Variants in SLC10A7 observed in about 807,000 individuals in gnomAD.
SLC10A7 encodes the protein solute carrier family 10 member 7, also known as sodium/bile acid cotransporter 7.
SLC10A7 carries 29 observed loss-of-function variants against 43.2 expected under a neutral mutation model. The ratio of observed to expected loss-of-function variants is 0.67; its 90% CI spans 0.50 to 0.92. The LOEUF (loss-of-function observed/expected upper bound fraction) is 0.92. SLC10A7 is among the 40% of genes least tolerant of loss of function. The pLI is 0.00. For synonymous variants in SLC10A7, 152 were observed against 144.8 expected, an observed-to-expected ratio of 1.05 and a Z score of -0.35; for missense variants, 295 against 403.2, an observed-to-expected ratio of 0.73 and a Z score of 2.30.
At chr4:146,318,617 G>A (rs540018931) in intron 6 of SLC10A7, among the ~76,000 whole-genome samples, 15 of 152,000 alleles carry the variant, frequency 9.9e-5, no homozygotes, top group African/African-American at 2.7e-4. Context: ...AGATGCTGAC[G>A]TCTCCCAAAT....
chr4:146,356,057 T>A lies in SLC10A7; in HGVS notation c.436-30061A>T, dbSNP rs991758265. Among the ~76,000 whole-genome samples, 79 of 146,384 alleles carry A rather than the reference T, an allele frequency of 5.4e-4. 1 individual carries two copies. The highest frequency in any genetic ancestry group is 4.0e-3 in the South Asian group (19 of 4,708). On this transcript the variant is annotated intron_variant, in intron 5 of 11. Transcript: ENST00000335472. ...AGTATAATAAAAAAAAAAAAATATA[T>A]ATATATATATACATATATATAGTCT...
intron 5 of SLC10A7, among the ~76,000 whole-genome samples, chr4:146,387,420 C>T (rs780583555): frequency 6.6e-6 from 1 of 152,106 alleles, no homozygotes; most frequent in Non-Finnish European, 1.5e-5. Flanking sequence ...TTTGGCATCC[C>T]TTCATGATAA....
chr4:146,298,669 G>GCACT (rs1730946255), intron 7 of SLC10A7, among the ~76,000 whole-genome samples: 1 of 152,126 alleles, frequency 6.6e-6, no homozygotes, highest in South Asian at 2.1e-4. Context: ...ATAAGTATTT[G>GCACT]TCACAAGCAC....
chr4:146,404,027 G>A (rs2630285), intron 5 of SLC10A7, among the ~76,000 whole-genome samples: 2,475 of 152,124 alleles, frequency 0.016, 55 homozygotes, highest in African/African-American at 0.056. Context: ...TACCAACAGT[G>A]TGCTTTTGTT....
At chr4:146,495,618 T>C (rs1735810124) in intron 4 of SLC10A7, among the ~76,000 whole-genome samples, 1 of 152,174 alleles carries the variant, frequency 6.6e-6, no homozygotes, top group Non-Finnish European at 1.5e-5. Flanking sequence ...TCCAAGCAGA[T>C]AGAAAACCTT....
Position 146,429,954 on chromosome 4 carries a change from A to G in SLC10A7, c.435+12829T>C, listed in dbSNP as rs932039639. Among the ~76,000 whole-genome samples the G allele has an allele frequency of 2.0e-5, 3 of 152,164 alleles. No homozygotes were observed. In the East Asian group the frequency reaches 5.8e-4, roughly 29 times the overall value. On this transcript the variant is annotated intron_variant, in intron 5 of 11. Coordinates refer to ENST00000335472, the MANE Select transcript of SLC10A7 (RefSeq NM_001029998.6). ...AAATTCTATAACCATATGCAAAGTA[A>G]CAAACCCCAACTAATACACTGAACT...
intron 4 of SLC10A7, among the ~76,000 whole-genome samples, chr4:146,481,774 C>T (rs1210317489): frequency 6.6e-6 from 1 of 152,118 alleles, no homozygotes; most frequent in Non-Finnish European, 1.5e-5. Context: ...ATAGTAATCT[C>T]AAAAGATCCT....
chr4:146,374,503 C>T (rs552719470), intron 5 of SLC10A7, among the ~76,000 whole-genome samples: 7 of 151,792 alleles, frequency 4.6e-5, no homozygotes, highest in African/African-American at 1.4e-4. Context: ...GCAGGAGAAT[C>T]GTTTGAACCT....
chr4:146,313,067 C>T (rs1223647508), intron 6 of SLC10A7, among the ~76,000 whole-genome samples: 1 of 152,178 alleles, frequency 6.6e-6, no homozygotes, highest in African/African-American at 2.4e-5. Context: ...TAAATATTCT[C>T]TTAAGTAGAA....
chr4:146,521,014 A>G (rs1226915758), intron 1 of SLC10A7, among the ~76,000 whole-genome samples: 1 of 152,094 alleles, frequency 6.6e-6, no homozygotes, highest in African/African-American at 2.4e-5. Context: ...TTAGACTGCT[A>G]GTATAGCAAC....
chr4:146,270,724 A>G (rs1263209151), intron 10 of SLC10A7, among the ~76,000 whole-genome samples: 1 of 152,130 alleles, frequency 6.6e-6, no homozygotes, highest in Non-Finnish European at 1.5e-5. Flanking sequence ...TCTGCTATCT[A>G]TGTGAACTGG....
At chr4:146,341,841 A>C (rs539228369) in intron 5 of SLC10A7, among the ~76,000 whole-genome samples, 8 of 152,014 alleles carry the variant, frequency 5.3e-5, no homozygotes, top group African/African-American at 1.9e-4. Context: ...AAATATTATA[A>C]GGAACAATGA....
intron 5 of SLC10A7, among the ~76,000 whole-genome samples, chr4:146,404,527 G>C: frequency 6.9e-6 from 1 of 144,854 alleles, no homozygotes; most frequent in East Asian, 2.0e-4. Flanking sequence ...ACTGGTTTAA[G>C]ATCTTTGTTC....
chr4:146,350,474 C>T (rs1482212248), intron 5 of SLC10A7, among the ~76,000 whole-genome samples: 1 of 141,362 alleles, frequency 7.1e-6, no homozygotes, highest in Non-Finnish European at 1.5e-5. Context: ...CGCCATTGCC[C>T]AGGCTTGCTT....
chr4:146,387,631 A>C (rs1034230812), intron 5 of SLC10A7, among the ~76,000 whole-genome samples: 1 of 152,190 alleles, frequency 6.6e-6, no homozygotes, highest in African/African-American at 2.4e-5. Flanking sequence ...GAAAAAAGGA[A>C]GTCAGATTAT....
At chr4:146,382,651 C>T (rs1311124557) in intron 5 of SLC10A7, among the ~76,000 whole-genome samples, 2 of 152,098 alleles carry the variant, frequency 1.3e-5, no homozygotes, top group Admixed American at 1.3e-4. Flanking sequence ...TCATGATGGA[C>T]TGAGCAGTTC....
rs189146289 is a variant in SLC10A7, at chr4:146,379,384, G to A, written c.436-53388C>T. Among the ~76,000 whole-genome samples the A allele has an allele frequency of 2.0e-3, 302 of 152,174 alleles. 3 individuals carry two copies. Among genetic ancestry groups the A allele is most frequent in the East Asian group, 1.7e-3 (9 of 5,172 alleles). ...TTTTATTGATGCAGATTTATCAGAC[G>A]CTTCAGTAACATCATCAGGATAAAC... is the stretch of plus-strand genomic sequence containing the variant. On this transcript the variant is annotated intron_variant, in intron 5 of 11. Transcript: ENST00000335472.
intron 5 of SLC10A7, among the ~76,000 whole-genome samples, chr4:146,365,993 T>C (rs1736365314): frequency 6.6e-6 from 1 of 152,218 alleles, no homozygotes; most frequent in African/African-American, 2.4e-5. Flanking sequence ...TCTTGTGAAC[T>C]GCACATGTGA....
chr4:146,304,931 C>T (rs1263293709), intron 7 of SLC10A7, among the ~76,000 whole-genome samples: 1 of 151,412 alleles, frequency 6.6e-6, no homozygotes, highest in East Asian at 1.9e-4. Context: ...AATCTGGGTG[C>T]TCCTGTGTTG....
Sources: allele counts gnomAD v4.1 joint callset (sites outside exome capture counted in the v4.1 genomes callset), GRCh38; gene constraint gnomAD v4.1.1; transcripts MANE v1.5; gene names NCBI Gene and HGNC (gene_info 2026-07-23, HGNC 2026-07-21).